MAMDC2: variants seen among roughly 807,000 people sequenced by gnomAD.
MAMDC2 encodes MAM domain-containing protein 2.
MAMDC2 carries 57 observed loss-of-function variants against 89.8 expected under a neutral mutation model. That is an observed-to-expected ratio of 0.63 (90% CI 0.51 to 0.79). The LOEUF is 0.79. Among genes scored for constraint, MAMDC2 ranks in the 30% least tolerant of loss-of-function variants. The probability of loss-of-function intolerance (pLI) is 0.00; values close to 1 mark genes in which losing one functional copy is unlikely to be tolerated. For synonymous variants in MAMDC2, 313 were observed against 293.4 expected (o/e 1.07, Z -0.68); for missense variants, 800 against 820.6 (o/e 0.97, Z 0.31).
In MAMDC2 at chr9:70,218,283, G is replaced by A. The variant is rs2118687973; in HGVS notation, c.1652-54G>A. The stretch of plus-strand genomic sequence containing the variant: ...ACTCTGAAAGAACATTATGAAAGGA[G>A]AAAATGTAATTTGTGTCCTTTTTAA... On this transcript the variant is annotated intron_variant, in intron 11 of 13. Transcript: ENST00000377182. 2.6e-6 allele frequency: 4 copies of A among 1,547,418 alleles called. No individual in the cohort carries two copies. The East Asian group carries it at 9.1e-5, about 35-fold the overall frequency.
chr9:70,137,751 G>A (rs968935781), intron 7 of MAMDC2, among the ~76,000 whole-genome samples: 2 of 152,122 alleles, frequency 1.3e-5, no homozygotes, highest in East Asian at 1.9e-4. Context: ...ATTGTTAGAC[G>A]TGTATGTCAG....
At chr9:70,135,072 C>G (rs2030954007) in intron 7 of MAMDC2, among the ~76,000 whole-genome samples, 1 of 152,230 alleles carries the variant, frequency 6.6e-6, no homozygotes, top group Non-Finnish European at 1.5e-5. Flanking sequence ...CTGCAACACA[C>G]TCCCGCTAAT....
chr9:70,199,894 G>A (rs2033062136), intron 11 of MAMDC2, among the ~76,000 whole-genome samples: 1 of 151,444 alleles, frequency 6.6e-6, no homozygotes, highest in African/African-American at 2.4e-5. Flanking sequence ...TTTTTGATGG[G>A]GTTGTTTGTT....
chr9:70,157,030 C>G (rs1198134268), intron 9 of MAMDC2, among the ~76,000 whole-genome samples: 1 of 152,162 alleles, frequency 6.6e-6, no homozygotes, highest in African/African-American at 2.4e-5. Flanking sequence ...TTTGTTCTCC[C>G]AGCAATATGG....
chr9:70,113,711 C>T (rs1478677613), intron 5 of MAMDC2: 3 of 153,524 alleles, frequency 2.0e-5, no homozygotes, highest in Admixed American at 6.4e-5. Context: ...AGAAGAGAGA[C>T]AAGGGCAAGG....
At chr9:70,117,993 G>T (rs558053015) in intron 5 of MAMDC2, among the ~76,000 whole-genome samples, 2 of 152,270 alleles carry the variant, frequency 1.3e-5, no homozygotes, top group Non-Finnish European at 1.5e-5. Flanking sequence ...TACAGAGAAG[G>T]CCCTCTTAAG....
At chr9:70,163,942 G>C (rs1302348184) in intron 9 of MAMDC2, among the ~76,000 whole-genome samples, 1 of 125,332 alleles carries the variant, frequency 8.0e-6, no homozygotes, top group Non-Finnish European at 1.6e-5. Context: ...CACAGAGTGA[G>C]ACTCTGTCTC....
chr9:70,067,615 A>G (rs1158043729), intron 2 of MAMDC2, among the ~76,000 whole-genome samples: 1 of 152,238 alleles, frequency 6.6e-6, no homozygotes, highest in Non-Finnish European at 1.5e-5. Context: ...TTCATCTGAA[A>G]AGGAGCTCAG....
intron 2 of MAMDC2, among the ~76,000 whole-genome samples, chr9:70,063,485 C>T (rs770288793): frequency 4.6e-5 from 7 of 151,390 alleles, no homozygotes; most frequent in East Asian, 1.9e-4. Flanking sequence ...CAATACTGGG[C>T]GCATAGTAGA....
intron 2 of MAMDC2, among the ~76,000 whole-genome samples, chr9:70,083,119 G>A (rs1366032408): frequency 1.3e-5 from 2 of 152,142 alleles, no homozygotes; most frequent in African/African-American, 2.4e-5. Context: ...AGTAAAATCA[G>A]AAGGCATAAT....
intron 2 of MAMDC2, among the ~76,000 whole-genome samples, chr9:70,089,612 G>C (rs537644081): frequency 1.3e-5 from 2 of 152,228 alleles, no homozygotes; most frequent in South Asian, 4.1e-4. Flanking sequence ...GAAGAGAAAA[G>C]AGTGAAGAAA....
intron 10 of MAMDC2, chr9:70,169,760 T>A (rs1053932266): frequency 1.3e-5 from 2 of 152,220 alleles, no homozygotes; most frequent in Non-Finnish European, 2.9e-5. Flanking sequence ...ATTCTAATAA[T>A]TATGAATGTT....
intron 2 of MAMDC2, among the ~76,000 whole-genome samples, chr9:70,046,853 G>A (rs1431091891): frequency 1.3e-5 from 2 of 152,192 alleles, no homozygotes; most frequent in Non-Finnish European, 2.9e-5. Flanking sequence ...GGCAGGTTAG[G>A]CTCCAGTTGT....
At chr9:70,205,812 G>C (rs1334115811) in intron 11 of MAMDC2, among the ~76,000 whole-genome samples, 1 of 152,096 alleles carries the variant, frequency 6.6e-6, no homozygotes, top group African/African-American at 2.4e-5. Flanking sequence ...GGGCTTCCTG[G>C]CTCCCATCCA....
At chr9:70,119,137 G>C (rs2030164399) in intron 5 of MAMDC2, among the ~76,000 whole-genome samples, 2 of 149,776 alleles carry the variant, frequency 1.3e-5, no homozygotes, top group Admixed American at 1.3e-4. Flanking sequence ...TCTTTCAGGA[G>C]GTAACCTACT....
intron 2 of MAMDC2, among the ~76,000 whole-genome samples, chr9:70,069,069 C>T (rs930784941): frequency 2.6e-5 from 4 of 152,104 alleles, no homozygotes; most frequent in Admixed American, 2.6e-4. Context: ...GGGCAGAACC[C>T]GGTAGAAGGA....
chr9:70,183,608 T>G (rs535338996), intron 11 of MAMDC2, among the ~76,000 whole-genome samples: 3 of 152,356 alleles, frequency 2.0e-5, no homozygotes, highest in African/African-American at 7.2e-5. Flanking sequence ...ATGGCCTTCT[T>G]TGTCTGTTTT....
intron 4 of MAMDC2, among the ~76,000 whole-genome samples, chr9:70,111,407 T>C (rs549028949): frequency 1.3e-5 from 2 of 152,196 alleles, no homozygotes; most frequent in Non-Finnish European, 2.9e-5. Context: ...AACTCTATGA[T>C]CACACTCTGA....
rs1278556451 is a variant in MAMDC2 at position 70,170,470 on chromosome 9, T to G, written c.1499-9T>G. The G allele has an allele frequency of 6.3e-7, 1 of 1,599,772 alleles. No homozygotes were observed. The highest frequency in any genetic ancestry group is 1.3e-5 in the African/African-American group (1 of 74,242). ...CTCAGTGATTGCAACATCTGCTATT[T>G]TCTTGCAGAGAAACTTCCACCTCCA... On this transcript the variant is annotated splice_polypyrimidine_tract_variant and intron_variant, in intron 10 of 13. Transcript: ENST00000377182.
Sources: allele counts gnomAD v4.1 joint callset (sites outside exome capture counted in the v4.1 genomes callset), GRCh38; gene constraint gnomAD v4.1.1; transcripts MANE v1.5; gene names NCBI Gene and HGNC (gene_info 2026-07-23, HGNC 2026-07-21).